Variants in BCAS3 observed in about 807,000 individuals in gnomAD.
The protein encoded by BCAS3 is BCAS3 microtubule associated cell migration factor, also known as BCAS4/BCAS3 fusion.
In BCAS3, 53 loss-of-function variants were observed where a neutral mutation model predicts 116.1. The observed-to-expected ratio is 0.46, with a 90% CI of 0.37 to 0.57. BCAS3 has a LOEUF of 0.57. BCAS3 is among the 20% of genes least tolerant of loss of function. BCAS3 has a pLI of 0.00. For missense variants in BCAS3, 917 were observed against 1,165.4 expected, an observed-to-expected ratio of 0.79 and a Z score of 3.10; for synonymous variants, 391 against 408.2, an observed-to-expected ratio of 0.96 and a Z score of 0.51.
Position 61,276,226 on chromosome 17 carries a change from A to G in BCAS3, c.2426-92101A>G, listed in dbSNP as rs12603013. Among the ~76,000 whole-genome samples, 22,322 of 151,952 alleles carry G rather than the reference A, an allele frequency of 0.15. 3,322 individuals are homozygous for G. Among genetic ancestry groups the G allele is most frequent in the African/African-American group, 0.39 (15,962 of 41,376 alleles). On this transcript the variant is annotated intron_variant, in intron 22 of 23. Transcript: ENST00000407086. This position sits in a 1 kb window ranked among gnomAD's most constrained non-coding sequence, Gnocchi z 4.2. Reference sequence around the variant, plus strand: ...AAATTAGCCAGGCATGGTGGTGAGCACCTGTAATCCCAGCTACTTGGGAGA... The same window carrying G: ...AAATTAGCCAGGCATGGTGGTGAGCGCCTGTAATCCCAGCTACTTGGGAGA...
At chr17:61,125,458 G>T (rs972098492) in intron 22 of BCAS3, among the ~76,000 whole-genome samples, 1 of 152,066 alleles carries the variant, frequency 6.6e-6, no homozygotes, top group African/African-American at 2.4e-5. Flanking sequence ...ATAGAGTTAT[G>T]CTATAAACTA....
Position 60,953,528 on chromosome 17 carries a change from A to C in BCAS3, c.1221+6176A>C, listed in dbSNP as rs575109661. Among the ~76,000 whole-genome samples the C allele has an allele frequency of 5.9e-5, 9 of 151,834 alleles. No individual in the cohort carries two copies. In the East Asian group the frequency reaches 1.5e-3, roughly 26 times the overall value. On this transcript the variant is annotated intron_variant, in intron 14 of 23. Coordinates refer to ENST00000407086, the MANE Select transcript of BCAS3 (RefSeq NM_017679.5). ...TCATTCTATAGATTGTCTGTTTACT[A>C]TGTTGATTGTTTCTTTTGCTGTGCA...
At chr17:60,803,145 T>C (rs1214520039) in intron 6 of BCAS3, among the ~76,000 whole-genome samples, 1 of 152,238 alleles carries the variant, frequency 6.6e-6, no homozygotes, top group Non-Finnish European at 1.5e-5. Context: ...ATATTAAGTA[T>C]TAATGTTGTC....
Position 61,391,920 on chromosome 17 carries a change from GCC to G in BCAS3, c.2594-53_2594-52del. The G allele has an allele frequency of 6.3e-7, 1 of 1,575,876 alleles. No homozygotes were observed. The highest frequency in any genetic ancestry group is 8.6e-7 in the Non-Finnish European group (1 of 1,160,212). ...AGGCAGGCAGCCTGGCCCAGATGGT[GCC>G]CCCACTCCCCAGACCCAACTCTAAC... On this transcript the variant is annotated intron_variant, in intron 23 of 23. Coordinates refer to ENST00000407086, the MANE Select transcript of BCAS3 (RefSeq NM_017679.5). The surrounding 1 kb of genome is among the most constrained non-coding windows in gnomAD (Gnocchi z 7.7).
intron 10 of BCAS3, among the ~76,000 whole-genome samples, chr17:60,892,710 C>T (rs2057252425): frequency 6.6e-6 from 1 of 151,972 alleles, no homozygotes; most frequent in African/African-American, 2.4e-5. Flanking sequence ...CACGTGAGGC[C>T]AGGAGTTCGA....
Position 61,141,855 on chromosome 17 carries a change from C to T in BCAS3, c.2425+57291C>T, listed in dbSNP as rs972636752. ...GGCGGAGGTTGCAGTGAGCCGAGAT[C>T]GCGCCACTGCACTCCAGCCTGGTGA... On this transcript the variant is annotated intron_variant, in intron 22 of 23. Transcript: ENST00000407086. This position sits in a 1 kb window ranked among gnomAD's most constrained non-coding sequence, Gnocchi z 4.3. Among the ~76,000 whole-genome samples the T allele has an allele frequency of 4.0e-5, 6 of 148,188 alleles. No homozygotes were observed. The highest frequency in any genetic ancestry group is 2.0e-4 in the East Asian group (1 of 5,014).
In BCAS3 at chr17:61,278,684, T is replaced by C. The variant is rs774605873; in HGVS notation, c.2426-89643T>C. Among the ~76,000 whole-genome samples, 7 of 152,206 alleles carry C rather than the reference T, an allele frequency of 4.6e-5. No individual in the cohort carries two copies. The highest frequency in any genetic ancestry group is 7.3e-5 in the Non-Finnish European group (5 of 68,034). On this transcript the variant is annotated intron_variant, in intron 22 of 23. Coordinates refer to ENST00000407086, the MANE Select transcript of BCAS3 (RefSeq NM_017679.5). This position sits in a 1 kb window ranked among gnomAD's most constrained non-coding sequence, Gnocchi z 5.8. The stretch of plus-strand genomic sequence containing the variant: ...AAAGGAATGAAATTTTCATACATAC[T>C]GCAGCAAAGATCAGCCTTGAAAATA...
intron 9 of BCAS3, among the ~76,000 whole-genome samples, chr17:60,878,629 C>T (rs2055839814): frequency 6.6e-6 from 1 of 152,238 alleles, no homozygotes. Context: ...CACAGGTCCC[C>T]CTTACCTGTT....
chr17:60,781,990 C>A lies in BCAS3; in HGVS notation c.404-26014C>A, dbSNP rs189497291. Among the ~76,000 whole-genome samples the A allele has an allele frequency of 5.9e-3, 682 of 115,816 alleles. 9 individuals carry two copies. The highest frequency in any genetic ancestry group is 8.5e-3 in the Admixed American group (112 of 13,192). 76.0% of individuals were successfully genotyped at this position (115,816 alleles called of 152,430 possible). A position where few individuals can be genotyped will look rare whatever the true frequency, so the allele number is the denominator to read the frequency against. The stretch of plus-strand genomic sequence containing the variant: ...CTGTCATTGTCCTCACCATCCTCCA[C>A]CTAGAAATTCAGCACACCAGATGAA... On this transcript the variant is annotated intron_variant, in intron 6 of 23. Transcript: ENST00000407086.
chr17:60,706,093 G>A (rs1020760645), intron 4 of BCAS3, among the ~76,000 whole-genome samples: 1 of 151,776 alleles, frequency 6.6e-6, no homozygotes, highest in Non-Finnish European at 1.5e-5. Flanking sequence ...ATGGAGTTTC[G>A]CTGTTGTTGC....
At chr17:61,108,264 T>C (rs1211116154) in intron 22 of BCAS3, among the ~76,000 whole-genome samples, 1 of 152,212 alleles carries the variant, frequency 6.6e-6, no homozygotes, top group East Asian at 1.9e-4. Flanking sequence ...TTACGTGATA[T>C]ATCTTTTTCT....
intron 13 of BCAS3, among the ~76,000 whole-genome samples, chr17:60,934,162 C>T (rs1465116639): frequency 6.6e-6 from 1 of 151,932 alleles, no homozygotes; most frequent in Non-Finnish European, 1.5e-5. Flanking sequence ...AAAAATATAA[C>T]TTTAAGTATT....
intron 11 of BCAS3, 106 bp downstream of exon 11, chr17:60,902,809 AT>A (rs1269640414): frequency 1.1e-6 from 1 of 897,542 alleles, no homozygotes; most frequent in Non-Finnish European, 1.7e-6. Flanking sequence ...GCTTGTACTT[AT>A]CCAATTTTAA....
In BCAS3 at chr17:61,004,721, G is replaced by C. The variant is rs909326057; in HGVS notation, c.1487-11030G>C. ...AAAGGATTTAAGGTTCATTGAAAGAGTTATTAACATTGGATGATGTGTTTT... is the reference window on the plus strand; with the variant it reads ...AAAGGATTTAAGGTTCATTGAAAGACTTATTAACATTGGATGATGTGTTTT... On this transcript the variant is annotated intron_variant, in intron 15 of 23. Transcript: ENST00000407086. This position sits in a 1 kb window ranked among gnomAD's most constrained non-coding sequence, Gnocchi z 4.8. Among the ~76,000 whole-genome samples, 4 of 152,120 alleles carry C rather than the reference G, an allele frequency of 2.6e-5. No individual in the cohort carries two copies. The highest frequency in any genetic ancestry group is 9.7e-5 in the African/African-American group (4 of 41,432).
At chr17:61,193,204 G>A (rs2144238596) in intron 22 of BCAS3, among the ~76,000 whole-genome samples, 1 of 152,318 alleles carries the variant, frequency 6.6e-6, no homozygotes, top group East Asian at 1.9e-4. Context: ...AGAGGTTGCA[G>A]TGAGCCGAGA....
chr17:60,971,744 G>C (rs1452718277), intron 14 of BCAS3, among the ~76,000 whole-genome samples: 1 of 152,198 alleles, frequency 6.6e-6, no homozygotes, highest in Non-Finnish European at 1.5e-5. Context: ...CAGACTGGCT[G>C]TACTCTGGAA....
At chr17:61,164,711 C>A (rs148714821) in intron 22 of BCAS3, among the ~76,000 whole-genome samples, 1 of 152,152 alleles carries the variant, frequency 6.6e-6, no homozygotes, top group African/African-American at 2.4e-5. Context: ...TGGTGTCATG[C>A]GCTTGGACTT....
At chr17:60,844,259 C>G (rs777840737) in intron 7 of BCAS3, among the ~76,000 whole-genome samples, 4 of 152,184 alleles carry the variant, frequency 2.6e-5, no homozygotes, top group Admixed American at 2.6e-4. Context: ...CCTGAGCCAG[C>G]ACACCTGGCC....
At chr17:60,743,149 A>C (rs2041736466) in intron 5 of BCAS3, among the ~76,000 whole-genome samples, 1 of 152,082 alleles carries the variant, frequency 6.6e-6, no homozygotes, top group Admixed American at 6.6e-5. Context: ...ATTTTCATAC[A>C]ATGGAAATCT....
Sources: allele counts gnomAD v4.1 joint callset (sites outside exome capture counted in the v4.1 genomes callset), GRCh38; gene constraint gnomAD v4.1.1; non-coding constraint Gnocchi (gnomAD v3.1); transcripts MANE v1.5; gene names NCBI Gene and HGNC (gene_info 2026-07-23, HGNC 2026-07-21).